Variants in JAZF1 observed in about 807,000 individuals in gnomAD.
The protein encoded by JAZF1 is JAZF zinc finger 1.
Under a neutral mutation model 26.4 loss-of-function variants are expected in JAZF1, and 8 were observed. The ratio of observed to expected loss-of-function variants is 0.30; its 90% CI spans 0.18 to 0.55. The LOEUF is 0.55. JAZF1 is among the 20% of genes least tolerant of loss of function. JAZF1 has a pLI of 0.94. For synonymous variants in JAZF1, 126 were observed against 122.3 expected (o/e 1.03, Z -0.20); for missense variants, 199 against 322.0 (o/e 0.62, Z 2.92).
At chr7:28,136,360 C>T (rs542128429) in intron 1 of JAZF1, among the ~76,000 whole-genome samples, 2 of 152,334 alleles carry the variant, frequency 1.3e-5, no homozygotes, top group East Asian at 1.9e-4. Flanking sequence ...CCATATTGAA[C>T]CAGTTCCTGC....
chr7:27,986,602 G>A (rs1562550057), intron 2 of JAZF1, among the ~76,000 whole-genome samples: 1 of 151,964 alleles, frequency 6.6e-6, no homozygotes, highest in Non-Finnish European at 1.5e-5. Context: ...TCACAGAATT[G>A]GAAAAAACTA....
At chr7:28,027,268 G>A (rs1040296057) in intron 1 of JAZF1, among the ~76,000 whole-genome samples, 17 of 152,164 alleles carry the variant, frequency 1.1e-4, no homozygotes, top group African/African-American at 1.4e-4. Context: ...TTTGTGCCTG[G>A]AGAGTAGGAA....
At position 28,016,864 on chromosome 7, in the gene JAZF1, C is replaced by A. The variant is rs546899213; in HGVS notation, c.116-24883G>T. On this transcript the variant is annotated intron_variant, in intron 1 of 4. Coordinates refer to ENST00000283928, the MANE Select transcript of JAZF1 (RefSeq NM_175061.4). ...TATGTGCCAGGTACTGTTCTAGGCACTAGAAATATGGCAGTGAATGACAAA... is the reference window on the plus strand; with the variant it reads ...TATGTGCCAGGTACTGTTCTAGGCAATAGAAATATGGCAGTGAATGACAAA... Among the ~76,000 whole-genome samples the A allele has an allele frequency of 3.1e-4, 47 of 152,182 alleles. No individual in the cohort carries two copies. The South Asian group carries it at 9.8e-3, about 32-fold the overall frequency.
chr7:28,004,226 GGA>G, intron 1 of JAZF1, among the ~76,000 whole-genome samples: 1 of 152,166 alleles, frequency 6.6e-6, no homozygotes, highest in African/African-American at 2.4e-5. Context: ...TGAGCCAGTT[GGA>G]GTAGGTGTTC....
At chr7:28,089,387 C>T (rs1784259349) in intron 1 of JAZF1, among the ~76,000 whole-genome samples, 1 of 152,172 alleles carries the variant, frequency 6.6e-6, no homozygotes, top group South Asian at 2.1e-4. Flanking sequence ...CTTGGACTTC[C>T]CAGCGTTTAG....
intron 1 of JAZF1, among the ~76,000 whole-genome samples, chr7:28,107,501 C>T (rs1192213850): frequency 6.6e-6 from 1 of 152,162 alleles, no homozygotes; most frequent in African/African-American, 2.4e-5. Flanking sequence ...TGACATACAG[C>T]ATGAAACAGC....
intron 3 of JAZF1, among the ~76,000 whole-genome samples, chr7:27,856,596 G>C (rs989732639): frequency 6.6e-6 from 1 of 152,196 alleles, no homozygotes; most frequent in African/African-American, 2.4e-5. Context: ...ACAGGGTGCT[G>C]ATTGGTGCGT....
At chr7:27,910,700 A>G (rs1238011550) in intron 2 of JAZF1, among the ~76,000 whole-genome samples, 2 of 152,196 alleles carry the variant, frequency 1.3e-5, no homozygotes, top group African/African-American at 4.8e-5. Context: ...AACCCTCTTT[A>G]AAACCCATTA....
chr7:28,093,384 T>C (rs1440924655), intron 1 of JAZF1, among the ~76,000 whole-genome samples: 2 of 152,294 alleles, frequency 1.3e-5, no homozygotes, highest in Non-Finnish European at 2.9e-5. Context: ...TCCACCATGA[T>C]TGTGAGGCCT....
intron 1 of JAZF1, among the ~76,000 whole-genome samples, chr7:28,035,888 A>G (rs1047756167): frequency 9.9e-5 from 15 of 152,234 alleles, no homozygotes; most frequent in Non-Finnish European, 2.1e-4. Context: ...GACAATAAAT[A>G]CATGAAAATA....
intron 1 of JAZF1, among the ~76,000 whole-genome samples, chr7:27,994,920 C>G (rs1785983472): frequency 6.6e-6 from 1 of 152,132 alleles, no homozygotes; most frequent in Non-Finnish European, 1.5e-5. Flanking sequence ...TAAAAACTCT[C>G]CACAGGATAG....
chr7:27,878,406 A>G (rs576360295), intron 3 of JAZF1, among the ~76,000 whole-genome samples: 4 of 152,214 alleles, frequency 2.6e-5, no homozygotes, highest in Non-Finnish European at 5.9e-5. Context: ...TCCCCAGGTA[A>G]TACTTATCCT....
chr7:28,163,230 C>T (rs1783319223), intron 1 of JAZF1, among the ~76,000 whole-genome samples: 2 of 152,164 alleles, frequency 1.3e-5, no homozygotes, highest in African/African-American at 4.8e-5. Context: ...GTAAGTTGCC[C>T]AAGGTCACAC....
chr7:27,871,711 G>A (rs1419051286), intron 3 of JAZF1, among the ~76,000 whole-genome samples: 1 of 152,214 alleles, frequency 6.6e-6, no homozygotes, highest in Non-Finnish European at 1.5e-5. Context: ...TCTAAAAAGT[G>A]AAGGTTTAGA....
intron 2 of JAZF1, among the ~76,000 whole-genome samples, chr7:27,983,151 G>A (rs1240720724): frequency 2.6e-5 from 4 of 152,182 alleles, no homozygotes; most frequent in African/African-American, 4.8e-5. Flanking sequence ...AAACTTCTCC[G>A]AGCTAAAGGA....
intron 2 of JAZF1, among the ~76,000 whole-genome samples, chr7:27,909,475 G>A (rs1784322604): frequency 6.6e-6 from 1 of 152,214 alleles, no homozygotes; most frequent in South Asian, 2.1e-4. Context: ...GGGAGGCCAA[G>A]GCGGGCGGAT....
chr7:28,005,841 T>C (rs1009439072), intron 1 of JAZF1, among the ~76,000 whole-genome samples: 1 of 148,526 alleles, frequency 6.7e-6, no homozygotes, highest in Middle Eastern at 3.5e-3. Flanking sequence ...TTGGCTTCTG[T>C]GGAAGGACTT....
At chr7:28,164,595 T>A (rs905897003) in intron 1 of JAZF1, among the ~76,000 whole-genome samples, 2 of 152,252 alleles carry the variant, frequency 1.3e-5, no homozygotes, top group Non-Finnish European at 2.9e-5. Context: ...AAACTGTTCA[T>A]GGAATTCATA....
In JAZF1 at chr7:27,830,959, C is replaced by T. The variant is rs900520094; in HGVS notation, c.*1841G>A. 9.2e-6 allele frequency: 2 copies of T among 218,134 alleles called. No individual in the cohort carries two copies. Among genetic ancestry groups the T allele is most frequent in the African/African-American group, 4.5e-5 (2 of 44,470 alleles). The allele number at this position is 218,134 out of a possible 1,614,324, so 13.5% of individuals were successfully genotyped here. On this transcript the variant is annotated 3_prime_UTR_variant, in exon 5 of 5. Coordinates refer to ENST00000283928, the MANE Select transcript of JAZF1 (RefSeq NM_175061.4). ...CTGATCCAGCCTGCAGTTTCTTGCA[C>T]TAGAAAGAGCGAAGCTAAATAATAA...
Sources: gnomAD v4.1 joint callset for allele counts (sites outside exome capture counted in the v4.1 genomes callset) on GRCh38, gnomAD v4.1.1 for gene constraint, MANE v1.5 for transcripts, NCBI Gene and HGNC (gene_info 2026-07-23, HGNC 2026-07-21) for gene names.